Variants in WWOX observed in about 807,000 individuals in gnomAD.
WWOX encodes WW domain containing oxidoreductase.
A neutral mutation model predicts 46.2 loss-of-function variants in WWOX; 69 were observed. That is an observed-to-expected ratio of 1.49 (90% CI 1.23 to 1.82). The LOEUF (loss-of-function observed/expected upper bound fraction) is 1.82. WWOX is among the 40% of genes most tolerant of loss of function. The pLI is 0.00. For missense variants in WWOX, 919 were observed against 542.6 expected, an observed-to-expected ratio of 1.69 and a Z score of -6.89; for synonymous variants, 359 against 202.6, an observed-to-expected ratio of 1.77 and a Z score of -6.56.
chr16:78,244,152 G>A (rs1186498449), intron 5 of WWOX, among the ~76,000 whole-genome samples: 3 of 152,134 alleles, frequency 2.0e-5, no homozygotes, highest in South Asian at 2.1e-4. Context: ...TTGATACCTC[G>A]TAACCTCAGC....
intron 8 of WWOX, among the ~76,000 whole-genome samples, chr16:78,916,849 G>C (rs543904415): frequency 6.6e-6 from 1 of 152,184 alleles, no homozygotes; most frequent in Admixed American, 6.5e-5. Context: ...CCTTTCGATA[G>C]CAAGTAGAAG....
intron 8 of WWOX, among the ~76,000 whole-genome samples, chr16:79,041,541 G>C (rs1446644622): frequency 2.0e-5 from 3 of 152,284 alleles, no homozygotes; most frequent in African/African-American, 2.4e-5. Context: ...CTGCTTAGCA[G>C]GGGGCCAAGG....
chr16:78,959,720 A>G (rs1485241950), intron 8 of WWOX, among the ~76,000 whole-genome samples: 1 of 152,198 alleles, frequency 6.6e-6, no homozygotes, highest in Non-Finnish European at 1.5e-5. Context: ...TACCACATCA[A>G]AAGGCCTAGG....
At chr16:78,274,868 G>A (rs937873308) in intron 5 of WWOX, among the ~76,000 whole-genome samples, 3 of 152,160 alleles carry the variant, frequency 2.0e-5, no homozygotes, top group Non-Finnish European at 1.5e-5. Context: ...CTTCATGGAA[G>A]TACACTGAGT....
At chr16:78,572,891 A>T (rs1463512702) in intron 8 of WWOX, among the ~76,000 whole-genome samples, 1 of 152,170 alleles carries the variant, frequency 6.6e-6, no homozygotes, top group African/African-American at 2.4e-5. Flanking sequence ...CTAGGTAGTC[A>T]TTCTATATGT....
chr16:78,138,506 C>T (rs1158015943), intron 4 of WWOX, among the ~76,000 whole-genome samples: 1 of 152,140 alleles, frequency 6.6e-6, no homozygotes, highest in Admixed American at 6.5e-5. Context: ...TTCTTCCTAC[C>T]TTCCATATGA....
chr16:79,134,070 C>T (rs1425751258), intron 8 of WWOX, among the ~76,000 whole-genome samples: 1 of 151,838 alleles, frequency 6.6e-6, no homozygotes, highest in Admixed American at 6.6e-5. Context: ...GTTTGGTTGT[C>T]ACTATGAAGA....
At chr16:78,826,532 A>G (rs2051662483) in intron 8 of WWOX, among the ~76,000 whole-genome samples, 1 of 152,220 alleles carries the variant, frequency 6.6e-6, no homozygotes. Flanking sequence ...CTGCAGCCAC[A>G]TGGCCTTCTC....
intron 8 of WWOX, among the ~76,000 whole-genome samples, chr16:78,723,622 CTTTTCTT>C (rs2048751858): frequency 1.7e-5 from 2 of 119,886 alleles, no homozygotes; most frequent in Non-Finnish European, 3.5e-5. Flanking sequence ...CTTTTCTTTT[CTTTTCTT>C]TTTTCTTTTC....
intron 8 of WWOX, among the ~76,000 whole-genome samples, chr16:78,977,896 G>A (rs1239176681): frequency 6.6e-6 from 1 of 152,176 alleles, no homozygotes; most frequent in Non-Finnish European, 1.5e-5. Flanking sequence ...AAATTGAGGT[G>A]AAATTCACAT....
intron 8 of WWOX, among the ~76,000 whole-genome samples, chr16:79,193,237 A>G (rs879637165): frequency 7.9e-5 from 12 of 152,212 alleles, no homozygotes; most frequent in Non-Finnish European, 1.6e-4. Flanking sequence ...TCTGCATACA[A>G]GTTGCTTACC....
chr16:78,252,044 C>T (rs2037998539), intron 5 of WWOX, among the ~76,000 whole-genome samples: 1 of 152,170 alleles, frequency 6.6e-6, no homozygotes, highest in Non-Finnish European at 1.5e-5. Flanking sequence ...AGGTTAAGCC[C>T]TCATTTTGAT....
chr16:79,008,907 G>C (rs2047245067), intron 8 of WWOX, among the ~76,000 whole-genome samples: 1 of 152,192 alleles, frequency 6.6e-6, no homozygotes, highest in African/African-American at 2.4e-5. Flanking sequence ...ACACACAAAG[G>C]CGAGCTAAAA....
At chr16:78,282,263 T>C (rs1179539419) in intron 5 of WWOX, among the ~76,000 whole-genome samples, 1 of 152,194 alleles carries the variant, frequency 6.6e-6, no homozygotes, top group Non-Finnish European at 1.5e-5. Context: ...AATCTATAGC[T>C]TCTACCGTCA....
At chr16:78,466,689 A>C (rs1027862518) in intron 8 of WWOX, among the ~76,000 whole-genome samples, 1 of 152,056 alleles carries the variant, frequency 6.6e-6, no homozygotes, top group African/African-American at 2.4e-5. Flanking sequence ...CTCTACTATA[A>C]ATACAAAAAT....
intron 5 of WWOX, among the ~76,000 whole-genome samples, chr16:78,239,691 C>A (rs118003830): frequency 6.6e-6 from 1 of 152,022 alleles, no homozygotes; most frequent in South Asian, 2.1e-4. Flanking sequence ...CATGCCACCA[C>A]GTCTGGCTAG....
At chr16:78,579,817 C>T (rs947959546) in intron 8 of WWOX, among the ~76,000 whole-genome samples, 5 of 152,126 alleles carry the variant, frequency 3.3e-5, no homozygotes, top group African/African-American at 1.2e-4. Flanking sequence ...ATACCTGGAA[C>T]ATGATGGTGC....
intron 8 of WWOX, among the ~76,000 whole-genome samples, chr16:78,612,818 T>A (rs192709514): frequency 6.6e-5 from 10 of 152,300 alleles, no homozygotes; most frequent in Admixed American, 5.9e-4. Flanking sequence ...CTACAATATT[T>A]ACTTTGCAGG....
At chr16:78,911,577 A>G (rs754217793) in intron 8 of WWOX, among the ~76,000 whole-genome samples, 1 of 152,040 alleles carries the variant, frequency 6.6e-6, no homozygotes, top group Admixed American at 6.6e-5. Context: ...TGTTGTAAGA[A>G]ACACCAGGCC....
Sources: gnomAD v4.1 joint callset for allele counts (sites outside exome capture counted in the v4.1 genomes callset) on GRCh38, gnomAD v4.1.1 for gene constraint, MANE v1.5 for transcripts, NCBI Gene and HGNC (gene_info 2026-07-23, HGNC 2026-07-21) for gene names.